SMAD9: variants seen among roughly 807,000 people sequenced by gnomAD.
SMAD9 encodes the protein SMAD family member 9.
A neutral mutation model predicts 46.1 loss-of-function variants in SMAD9; 36 were observed. That is an observed-to-expected ratio of 0.78 (90% CI 0.60 to 1.03). The LOEUF (loss-of-function observed/expected upper bound fraction) is 1.03, where lower values mean the gene tolerates loss of function less well. SMAD9 is among the 50% of genes least tolerant of loss of function. SMAD9 has a pLI of 0.00. For missense variants in SMAD9, 572 were observed against 599.8 expected (o/e 0.95, Z 0.48); for synonymous variants, 245 against 237.1 (o/e 1.03, Z -0.31).
rs2058028799 is a variant in SMAD9 at position 36,844,897 on chromosome 13, C to T, written c.*3779G>A. Reference sequence around the variant, plus strand: ...TATAAGTGTGCATTTGATGGATAACCGAAGCCAAGTTATTATAATAGAAAG... The same window carrying T: ...TATAAGTGTGCATTTGATGGATAACTGAAGCCAAGTTATTATAATAGAAAG... On this transcript the variant is annotated 3_prime_UTR_variant, in exon 7 of 7. Coordinates refer to ENST00000379826, the MANE Select transcript of SMAD9 (RefSeq NM_001127217.3). The T allele has an allele frequency of 1.5e-5, 2 of 137,570 alleles. No individual in the cohort carries two copies. The highest frequency in any genetic ancestry group is 2.3e-4 in the South Asian group (1 of 4,326). 8.5% of individuals were successfully genotyped at this position (137,570 alleles called of 1,614,324 possible). A position where few individuals can be genotyped will look rare whatever the true frequency, so the allele number is the denominator to read the frequency against.
At chr13:36,882,416 C>T (rs1230677555) in intron 1 of SMAD9, among the ~76,000 whole-genome samples, 2 of 152,156 alleles carry the variant, frequency 1.3e-5, no homozygotes, top group African/African-American at 4.8e-5. Context: ...CTTCAGTGGC[C>T]ACCACACTTT....
intron 3 of SMAD9, 59 bp downstream of exon 3, chr13:36,872,599 A>G: frequency 6.4e-7 from 1 of 1,555,368 alleles, no homozygotes; most frequent in South Asian, 1.1e-5. Flanking sequence ...TGTTCATCAT[A>G]AATCATGATG....
At chr13:36,916,763 T>A (rs2058701421) in intron 1 of SMAD9, among the ~76,000 whole-genome samples, 1 of 151,118 alleles carries the variant, frequency 6.6e-6, no homozygotes, top group Admixed American at 6.6e-5. Flanking sequence ...CCACAGGAGC[T>A]CGAAGGAGGA....
chr13:36,899,524 C>T (rs548408763), intron 1 of SMAD9, among the ~76,000 whole-genome samples: 1 of 152,296 alleles, frequency 6.6e-6, no homozygotes, highest in Admixed American at 6.5e-5. Context: ...CTGAGCATGC[C>T]ATTCATGAAA....
chr13:36,850,467 C>A (rs989244943), intron 6 of SMAD9, among the ~76,000 whole-genome samples: 4 of 152,186 alleles, frequency 2.6e-5, no homozygotes, highest in African/African-American at 4.8e-5. Context: ...GCAACCTCTG[C>A]CTCCGAGGTT....
intron 5 of SMAD9, among the ~76,000 whole-genome samples, chr13:36,858,720 G>GAA (rs1457577004): frequency 6.6e-6 from 1 of 152,114 alleles, no homozygotes; most frequent in Non-Finnish European, 1.5e-5. Flanking sequence ...AATACAGACA[G>GAA]AAAAGAAAAA....
intron 1 of SMAD9, among the ~76,000 whole-genome samples, chr13:36,901,963 TTTCA>T (rs2058580124): frequency 1.3e-5 from 2 of 152,248 alleles, no homozygotes; most frequent in East Asian, 3.8e-4. Flanking sequence ...GTCTTTTTAT[TTTCA>T]TTATGTCATT....
chr13:36,874,897 A>ATATGTATG (rs71084452), intron 2 of SMAD9, among the ~76,000 whole-genome samples: 1,691 of 141,938 alleles, frequency 0.012, 19 homozygotes, highest in Non-Finnish European at 0.016. Context: ...ATATATATGT[A>ATATGTATG]TATGTATGTA....
At chr13:36,896,419 C>A (rs1478442317) in intron 1 of SMAD9, among the ~76,000 whole-genome samples, 1 of 152,174 alleles carries the variant, frequency 6.6e-6, no homozygotes, top group Non-Finnish European at 1.5e-5. Context: ...AGGTGCGAGA[C>A]ACCAGACCCG....
intron 2 of SMAD9, among the ~76,000 whole-genome samples, chr13:36,876,650 T>C (rs1296660134): frequency 6.6e-6 from 1 of 152,162 alleles, no homozygotes; most frequent in Non-Finnish European, 1.5e-5. Context: ...AACTGATCCC[T>C]CACCACACAT....
chr13:36,888,514 ACTG>A (rs1165482807), intron 1 of SMAD9, among the ~76,000 whole-genome samples: 1 of 152,160 alleles, frequency 6.6e-6, no homozygotes, highest in East Asian at 1.9e-4. Flanking sequence ...AATACAGCTT[ACTG>A]CTGGGCTCTT....
rs2058033242 is a variant in SMAD9 at position 36,845,454 on chromosome 13, C to T, written c.*3222G>A. ...ATTTTTTAACAGAAAAATAATAAACCAACAACAAAAACTGATCAATGTTCT... is the reference window on the plus strand; with the variant it reads ...ATTTTTTAACAGAAAAATAATAAACTAACAACAAAAACTGATCAATGTTCT... On this transcript the variant is annotated 3_prime_UTR_variant, in exon 7 of 7. Transcript: ENST00000379826. The T allele has an allele frequency of 6.6e-6, 1 of 151,806 alleles. No homozygotes were observed. Among genetic ancestry groups the T allele is most frequent in the Non-Finnish European group, 1.5e-5 (1 of 67,960 alleles). The allele number at this position is 151,806 out of a possible 1,614,324, so 9.4% of individuals were successfully genotyped here.
intron 5 of SMAD9, among the ~76,000 whole-genome samples, chr13:36,861,249 A>G (rs559259783): frequency 6.6e-6 from 1 of 152,338 alleles, no homozygotes; most frequent in Admixed American, 6.5e-5. Context: ...AATAAAAGCC[A>G]GAAATGGTGT....
Position 36,879,156 on chromosome 13 carries a change from C to CTCT in SMAD9, c.412+121_412+122insAGA, listed in dbSNP as rs1555241385. The CTCT allele has an allele frequency of 1.1e-5, 10 of 870,022 alleles. No homozygotes were observed. The African/African-American group carries it at 1.5e-4, about 13-fold the overall frequency. The allele number at this position is 870,022 out of a possible 1,614,324, so 53.9% of individuals were successfully genotyped here. A position where few individuals can be genotyped will look rare whatever the true frequency, so the allele number is the denominator to read the frequency against. On this transcript the variant is annotated intron_variant, in intron 2 of 6. Transcript: ENST00000379826. ...GTCCCTCAAAACTGAACCTCCCTCT[C>CTCT]CTCTCTTCTCTCTCTCTCTTTTGGG...
chr13:36,906,342 G>A (rs973403312), intron 1 of SMAD9, among the ~76,000 whole-genome samples: 1 of 151,804 alleles, frequency 6.6e-6, no homozygotes, highest in Non-Finnish European at 1.5e-5. Flanking sequence ...GGAATTCCAC[G>A]TAAGTATCTT....
At chr13:36,868,261 G>C (rs1025286204) in intron 3 of SMAD9, among the ~76,000 whole-genome samples, 5 of 152,202 alleles carry the variant, frequency 3.3e-5, no homozygotes, top group African/African-American at 4.8e-5. Context: ...GTTGAATGTA[G>C]CCATGTACAT....
chr13:36,872,570 C>A lies in SMAD9; in HGVS notation c.670+88G>T. ...GTTTATACTATATGAATGACAGTTACAATGACTGTCATTGTGACTGTTCAT... is the reference window on the plus strand; with the variant it reads ...GTTTATACTATATGAATGACAGTTAAAATGACTGTCATTGTGACTGTTCAT... On this transcript the variant is annotated intron_variant, in intron 3 of 6. Coordinates refer to ENST00000379826, the MANE Select transcript of SMAD9 (RefSeq NM_001127217.3). The A allele has an allele frequency of 2.1e-6, 3 of 1,426,818 alleles. No individual in the cohort carries two copies. In the South Asian group the frequency reaches 3.5e-5, roughly 17 times the overall value. 88.4% of individuals were successfully genotyped at this position (1,426,818 alleles called of 1,614,324 possible).
In SMAD9 at chr13:36,865,612, T is replaced by A; in HGVS notation, c.928A>T (p.Arg310Ter). 6.2e-7 allele frequency: 1 copy of A among 1,614,224 alleles called. No individual in the cohort carries two copies. The highest frequency in any genetic ancestry group is 8.5e-7 in the Non-Finnish European group (1 of 1,180,008). Residue 310 changes from arginine (R) to a stop codon, truncating the protein, a stop_gained, in exon 5 of 7, where the codon AGA becomes TGA. Transcript: ENST00000379826. LOFTEE classifies it high-confidence loss of function. ...TTAGAAAGAAGTCCAAGACAGAATC[T>A]GTTCCTGTTATTTGAAGGGTCGGTG... ...GFTDPSNNRNRFCLGLLSNVN... is the reference protein window; with the variant it reads ...GFTDPSNNRN
At chr13:36,863,546 C>T (rs770242407) in intron 5 of SMAD9, among the ~76,000 whole-genome samples, 1 of 152,110 alleles carries the variant, frequency 6.6e-6, no homozygotes, top group Non-Finnish European at 1.5e-5. Flanking sequence ...AATCTCATAT[C>T]GAAATCTGAT....
Sources: gnomAD v4.1 joint callset for allele counts (sites outside exome capture counted in the v4.1 genomes callset) on GRCh38, gnomAD v4.1.1 for gene constraint, MANE v1.5 for transcripts, NCBI Gene and HGNC (gene_info 2026-07-23, HGNC 2026-07-21) for gene names.